The following NNT variants were observed in gnomAD, a reference collection of about 807,000 sequenced individuals.
The protein encoded by NNT is NAD(P) transhydrogenase, mitochondrial.
In NNT, 50 loss-of-function variants were observed where a neutral mutation model predicts 104.8. The observed-to-expected ratio is 0.48, with a 90% CI of 0.38 to 0.60. The LOEUF (loss-of-function observed/expected upper bound fraction) is 0.60. NNT is among the 20% of genes least tolerant of loss of function. The pLI is 0.00. For missense variants in NNT, 1,131 were observed against 1,330.7 expected (o/e 0.85, Z 2.33); for synonymous variants, 461 against 490.4 (o/e 0.94, Z 0.79).
intron 9 of NNT, 29 bp downstream of exon 9, chr5:43,644,831 G>T: frequency 6.6e-7 from 1 of 1,504,278 alleles, no homozygotes; most frequent in African/African-American, 1.4e-5. Flanking sequence ...TCCTTCCTTT[G>T]CTTTTAATGT....
intron 18 of NNT, among the ~76,000 whole-genome samples, chr5:43,676,012 T>G (rs1195999517): frequency 6.6e-6 from 1 of 152,190 alleles, no homozygotes; most frequent in Non-Finnish European, 1.5e-5. Flanking sequence ...TATATGAAAG[T>G]CTTTAGCTCA....
At chr5:43,671,875 G>A (rs1741116227) in intron 17 of NNT, among the ~76,000 whole-genome samples, 1 of 152,216 alleles carries the variant, frequency 6.6e-6, no homozygotes, top group African/African-American at 2.4e-5. Context: ...ATCCTGCAGA[G>A]TGTTTTCCAA....
chr5:43,699,271 G>A (rs1367757218), intron 19 of NNT, among the ~76,000 whole-genome samples: 3 of 151,470 alleles, frequency 2.0e-5, no homozygotes, highest in Admixed American at 6.6e-5. Flanking sequence ...TGTCTTCTGT[G>A]ATGTGGAGTA....
chr5:43,607,236 A>G (rs1036389870), intron 1 of NNT, among the ~76,000 whole-genome samples: 7 of 152,212 alleles, frequency 4.6e-5, no homozygotes, highest in Non-Finnish European at 1.0e-4. Flanking sequence ...GATGGCCTGA[A>G]GCAACTGAAG....
Position 43,704,482 on chromosome 5 carries a change from TG to T in NNT, c.*80del. 8.3e-6 allele frequency: 12 copies of T among 1,445,306 alleles called. No homozygotes were observed. The highest frequency in any genetic ancestry group is 1.1e-5 in the Non-Finnish European group (11 of 1,046,596). 89.5% of individuals were successfully genotyped at this position (1,445,306 alleles called of 1,614,324 possible). On this transcript the variant is annotated 3_prime_UTR_variant, in exon 22 of 22. Coordinates refer to ENST00000344920, the MANE Select transcript of NNT (RefSeq NM_182977.3). ...CAGGCAAATAAAGTATCAGTATACA[TG>T]GTGATGTACATCTGTAGCAAAGCTC...
At chr5:43,662,303 T>C (rs559560240) in intron 17 of NNT, among the ~76,000 whole-genome samples, 3 of 152,284 alleles carry the variant, frequency 2.0e-5, no homozygotes, top group African/African-American at 7.2e-5. Flanking sequence ...TAGAATAAGG[T>C]AGTAAGAGGT....
chr5:43,650,871 A>G (rs1007865842), intron 12 of NNT, among the ~76,000 whole-genome samples: 3 of 152,216 alleles, frequency 2.0e-5, no homozygotes, highest in African/African-American at 7.2e-5. Flanking sequence ...GGTTAGAGCT[A>G]TCACCGTAAC....
chr5:43,663,423 TACAAA>T (rs1345169788), intron 17 of NNT, among the ~76,000 whole-genome samples: 12 of 152,254 alleles, frequency 7.9e-5, no homozygotes, highest in African/African-American at 2.4e-4. Flanking sequence ...TAGGCATTGT[TACAAA>T]ACAAGTCAGA....
intron 6 of NNT, among the ~76,000 whole-genome samples, chr5:43,627,339 A>T (rs1377661788): frequency 1.3e-5 from 2 of 152,208 alleles, no homozygotes; most frequent in African/African-American, 2.4e-5. Context: ...GGTTTCCCAA[A>T]CTTCCCTGAT....
chr5:43,688,283 G>A (rs903542291), intron 19 of NNT, among the ~76,000 whole-genome samples: 1 of 152,142 alleles, frequency 6.6e-6, no homozygotes, highest in Non-Finnish European at 1.5e-5. Context: ...CAGAGTTAGA[G>A]AAGGACATGT....
At chr5:43,678,453 C>T (rs1741534517) in intron 19 of NNT, among the ~76,000 whole-genome samples, 2 of 152,074 alleles carry the variant, frequency 1.3e-5, no homozygotes, top group Admixed American at 6.6e-5. Context: ...CAAATATTAT[C>T]GACTCATTTT....
intron 17 of NNT, among the ~76,000 whole-genome samples, chr5:43,674,701 C>A (rs568829455): frequency 2.4e-4 from 36 of 152,150 alleles, no homozygotes; most frequent in Admixed American, 1.5e-3. Context: ...CTTTTACTAC[C>A]CCACCTCCAG....
chr5:43,629,196 T>A (rs941975155), intron 7 of NNT, among the ~76,000 whole-genome samples: 4 of 152,044 alleles, frequency 2.6e-5, no homozygotes, highest in Non-Finnish European at 1.5e-5. Flanking sequence ...GCCCATTATA[T>A]CATAGCTTAG....
At chr5:43,688,220 T>C (rs1365475525) in intron 19 of NNT, among the ~76,000 whole-genome samples, 1 of 152,048 alleles carries the variant, frequency 6.6e-6, no homozygotes, top group Non-Finnish European at 1.5e-5. Flanking sequence ...TCTTGGATCA[T>C]TGGGTGGCTC....
intron 7 of NNT, among the ~76,000 whole-genome samples, chr5:43,635,393 A>T (rs1053043979): frequency 2.6e-5 from 4 of 152,130 alleles, no homozygotes; most frequent in Non-Finnish European, 4.4e-5. Flanking sequence ...AGGAGTGTGC[A>T]TGGAAGGCCA....
intron 19 of NNT, among the ~76,000 whole-genome samples, chr5:43,695,063 T>C (rs979477888): frequency 6.6e-6 from 1 of 152,176 alleles, no homozygotes; most frequent in Admixed American, 6.5e-5. Context: ...TCAATTCTTT[T>C]AGGTTTTCTA....
Position 43,675,114 on chromosome 5 carries a change from CA to C in NNT, c.2635-396del, listed in dbSNP as rs1741342348. Among the ~76,000 whole-genome samples the C allele has an allele frequency of 2.0e-5, 3 of 152,266 alleles. No individual in the cohort carries two copies. In the South Asian group the frequency reaches 6.2e-4, roughly 32 times the overall value. On this transcript the variant is annotated intron_variant, in intron 17 of 21. Coordinates refer to ENST00000344920, the MANE Select transcript of NNT (RefSeq NM_182977.3). ...TTTTGATTCTTACCAGTTGCTTCTTCACAGCTGGTATCTGTGAAGATGGAAT... is the reference window on the plus strand; with the variant it reads ...TTTTGATTCTTACCAGTTGCTTCTTCCAGCTGGTATCTGTGAAGATGGAAT...
Position 43,624,047 on chromosome 5 carries a change from G to T in NNT, c.703G>T (p.Gly235Cys). 6.2e-7 allele frequency: 1 copy of T among 1,614,158 alleles called. No individual in the cohort carries two copies. The highest frequency in any genetic ancestry group is 1.7e-5 in the Admixed American group (1 of 60,028). ...TGTCTTCTAGATTCTGATAGTTGGT[G>T]GTGGTGTTGCTGGGCTTGCTTCTGC... ...VPPAKILIVG[G>C]GVAGLASAGA... is the part of the protein sequence containing the mutation. Residue 235 changes from glycine to cysteine, a missense_variant, in exon 6 of 22, where the codon GGT becomes TGT. Gly to Cys is a radical substitution (Grantham distance 159). Coordinates refer to ENST00000344920, the MANE Select transcript of NNT (RefSeq NM_182977.3).
chr5:43,681,779 A>G lies in NNT; in HGVS notation c.2876+3973A>G, dbSNP rs146118111. Among the ~76,000 whole-genome samples, 516 of 152,318 alleles carry G rather than the reference A, an allele frequency of 3.4e-3. 5 individuals are homozygous for G. The highest frequency in any genetic ancestry group is 0.012 in the African/African-American group (486 of 41,568). Reference sequence around the variant, plus strand: ...TGCTATATCCTTCTACTAATAACTTACTGAGAAATTTATTGCTAGGTACTG... The same window carrying G: ...TGCTATATCCTTCTACTAATAACTTGCTGAGAAATTTATTGCTAGGTACTG... On this transcript the variant is annotated intron_variant, in intron 19 of 21. Coordinates refer to ENST00000344920, the MANE Select transcript of NNT (RefSeq NM_182977.3).
Sources: allele counts gnomAD v4.1 joint callset (sites outside exome capture counted in the v4.1 genomes callset), GRCh38; gene constraint gnomAD v4.1.1; transcripts MANE v1.5; gene names NCBI Gene and HGNC (gene_info 2026-07-23, HGNC 2026-07-21).